Variants in ZFP69 observed in about 807,000 individuals in gnomAD.
ZFP69 encodes the protein zinc finger protein 69 homolog.
A neutral mutation model predicts 48.9 loss-of-function variants in ZFP69; 35 were observed. The observed-to-expected ratio is 0.72, with a 90% confidence interval of 0.55 to 0.95. The LOEUF (loss-of-function observed/expected upper bound fraction) is 0.95, where lower values mean the gene tolerates loss of function less well. Ranked by LOEUF, ZFP69 falls within the 40% of genes least tolerant of loss-of-function variation. The pLI, the probability that ZFP69 is intolerant of heterozygous loss-of-function variation, is 0.00. For synonymous variants in ZFP69, 193 were observed against 216.8 expected (o/e 0.89, Z 0.96); for missense variants, 557 against 638.4 (o/e 0.87, Z 1.37).
intron 5 of ZFP69, among the ~76,000 whole-genome samples, chr1:40,491,931 G>A (rs1361249625): frequency 6.6e-6 from 1 of 152,014 alleles, no homozygotes; most frequent in Non-Finnish European, 1.5e-5. Context: ...TGTTAGACGT[G>A]AGTTTCTAAA....
intron 2 of ZFP69, 95 bp downstream of exon 2, chr1:40,479,583 G>C: frequency 4.4e-4 from 550 of 1,252,440 alleles, no homozygotes; most frequent in Non-Finnish European, 5.2e-4. Flanking sequence ...AGGAGGGAGA[G>C]AAGGTCTCTG....
In ZFP69 at chr1:40,481,723, T is replaced by C. The variant is rs745366918; in HGVS notation, c.128-40T>C. The C allele has an allele frequency of 1.2e-5, 18 of 1,515,804 alleles. No homozygotes were observed. In the African/African-American group the frequency reaches 1.3e-4, roughly 11 times the overall value. The allele number at this position is 1,515,804 out of a possible 1,614,324, so 93.9% of individuals were successfully genotyped here. A position where few individuals can be genotyped will look rare whatever the true frequency, so the allele number is the denominator to read the frequency against. On this transcript the variant is annotated intron_variant, in intron 2 of 5. Coordinates refer to ENST00000372706, the MANE Select transcript of ZFP69 (RefSeq NM_001320179.2). The stretch of plus-strand genomic sequence containing the variant: ...CAGGCAATTTCTTTATTTGGGAGAT[T>C]TGGGGAGATGCAAAGCTCATGGCTC...
In ZFP69 at chr1:40,479,144, A is replaced by G. The variant is rs1327416119; in HGVS notation, c.-218A>G. On this transcript the variant is annotated 5_prime_UTR_variant, in exon 2 of 6. Transcript: ENST00000372706. The stretch of plus-strand genomic sequence containing the variant: ...AAACCTAACTAACTGGCTGCCTCCC[A>G]AAGAAAGTGCTTGATTTAAAGGGGA... The G allele has an allele frequency of 1.2e-5, 6 of 502,992 alleles. No individual in the cohort carries two copies. The highest frequency in any genetic ancestry group is 2.1e-5 in the Non-Finnish European group (6 of 281,064). The allele number at this position is 502,992 out of a possible 1,614,324, so 31.2% of individuals were successfully genotyped here.
At chr1:40,480,422 C>T (rs191401063) in intron 2 of ZFP69, among the ~76,000 whole-genome samples, 157 of 149,982 alleles carry the variant, frequency 1.0e-3, no homozygotes, top group African/African-American at 3.7e-3. Context: ...CCTGCCACCA[C>T]GCCTGGCTAA....
At chr1:40,494,406 C>T (rs1376036986) in intron 5 of ZFP69, among the ~76,000 whole-genome samples, 1 of 143,654 alleles carries the variant, frequency 7.0e-6, no homozygotes, top group East Asian at 2.0e-4. Flanking sequence ...GTAGCTGGGA[C>T]TACAGGCGCC....
chr1:40,489,471 G>T, intron 4 of ZFP69, 58 bp from the exon 5 acceptor site: 2 of 1,487,876 alleles, frequency 1.3e-6, no homozygotes, highest in African/African-American at 2.8e-5. Context: ...AAAATTCTGA[G>T]GATGGTTCTT....
chr1:40,496,202 C>T lies in ZFP69; in HGVS notation c.*143C>T. On this transcript the variant is annotated 3_prime_UTR_variant, in exon 6 of 6. Coordinates refer to ENST00000372706, the MANE Select transcript of ZFP69 (RefSeq NM_001320179.2). ...CCATTGTAAATAAACATTACATTGA[C>T]AGGTATTGACTACTAACACCTCTAA... 3.8e-6 allele frequency: 3 copies of T among 789,092 alleles called. No homozygotes were observed. The highest frequency in any genetic ancestry group is 2.7e-5 in the East Asian group (1 of 37,726). The allele number at this position is 789,092 out of a possible 1,614,324, so 48.9% of individuals were successfully genotyped here.
Position 40,495,240 on chromosome 1 carries a change from C to G in ZFP69, c.762C>G (p.Tyr254Ter), listed in dbSNP as rs1645618094. ...ATACACCTACAAAGCGGAACACATA[C>G]AAATTAGATTTGATTAATCATCCAA... Reference protein sequence around the residue: ...KYDTPTKRNTYKLDLINHPTS... With the variant: ...KYDTPTKRNT Residue 254 changes from tyrosine (Y) to a stop codon, truncating the protein, a stop_gained, in exon 6 of 6, where the codon TAC becomes TAG. Transcript: ENST00000372706. LOFTEE classifies it high-confidence loss of function. The G allele has an allele frequency of 5.6e-6, 9 of 1,613,848 alleles. No homozygotes were observed. The highest frequency in any genetic ancestry group is 2.7e-5 in the African/African-American group (2 of 74,890).
chr1:40,490,402 G>A (rs1457650349), intron 5 of ZFP69, among the ~76,000 whole-genome samples: 2 of 152,106 alleles, frequency 1.3e-5, no homozygotes, highest in African/African-American at 4.8e-5. Flanking sequence ...TCAAAGCCTC[G>A]GCTGTGGGGA....
rs774927298 is a variant in ZFP69, at chr1:40,481,906, G to GT, written c.219+53dup. On this transcript the variant is annotated intron_variant, in intron 3 of 5. Transcript: ENST00000372706. ...TGACATTGCTTCTCCTGTTTTTAGG[G>GT]TATATAACCTGTCTTTTTTGCAGAG... 177 of 1,410,332 alleles carry GT rather than the reference G, an allele frequency of 1.3e-4. 4 individuals carry two copies. In the South Asian group the frequency reaches 2.1e-3, roughly 17 times the overall value. The allele number at this position is 1,410,332 out of a possible 1,614,324, so 87.4% of individuals were successfully genotyped here. A position where few individuals can be genotyped will look rare whatever the true frequency, so the allele number is the denominator to read the frequency against.
intron 3 of ZFP69, among the ~76,000 whole-genome samples, chr1:40,484,358 C>T (rs968988300): frequency 6.6e-6 from 1 of 151,844 alleles, no homozygotes; most frequent in African/African-American, 2.4e-5. Context: ...TGCCACCACA[C>T]CTGGCTAATT....
chr1:40,484,722 C>T (rs1645477307), intron 3 of ZFP69, among the ~76,000 whole-genome samples: 1 of 149,716 alleles, frequency 6.7e-6, no homozygotes, highest in Non-Finnish European at 1.5e-5. Flanking sequence ...GGACTACAGG[C>T]GCGTGCCACC....
Position 40,477,547 on chromosome 1 carries a change from C to G in ZFP69, c.-674C>G, listed in dbSNP as rs942558408. On this transcript the variant is annotated 5_prime_UTR_variant, in exon 1 of 6. Coordinates refer to ENST00000372706, the MANE Select transcript of ZFP69 (RefSeq NM_001320179.2). This position sits in a 1 kb window ranked among gnomAD's most constrained non-coding sequence, Gnocchi z 4.0. ...CCCCGGGGTCTGCAAGACGCCGGCT[C>G]AGGGCATCCCTCCCATTCCGGCCCT... is the stretch of plus-strand genomic sequence containing the variant. 1.4e-4 allele frequency: 22 copies of G among 152,326 alleles called. No homozygotes were observed. The highest frequency in any genetic ancestry group is 5.1e-4 in the African/African-American group (21 of 41,582). The allele number at this position is 152,326 out of a possible 1,614,324, so 9.4% of individuals were successfully genotyped here. A position where few individuals can be genotyped will look rare whatever the true frequency, so the allele number is the denominator to read the frequency against.
chr1:40,495,974 A>G lies in ZFP69; in HGVS notation c.1496A>G (p.Glu499Gly). 1 of 1,614,220 alleles carries G rather than the reference A, an allele frequency of 6.2e-7. No individual in the cohort carries two copies. Among genetic ancestry groups the G allele is most frequent in the Non-Finnish European group, 8.5e-7 (1 of 1,180,044 alleles). Reference protein sequence around the residue: ...HTGEKPYECNECGKAFSYNSS... With the variant: ...HTGEKPYECNGCGKAFSYNSS... ...GGAGAAAAACCTTACGAATGTAACG[A>G]ATGTGGAAAAGCCTTCAGCTATAAC... Residue 499 changes from glutamate (E) to glycine (G), a missense_variant, in exon 6 of 6, where the codon GAA (glutamate) becomes GGA (glycine). Transcript: ENST00000372706.
At chr1:40,482,236 T>A (rs1645450091) in intron 3 of ZFP69, among the ~76,000 whole-genome samples, 1 of 152,070 alleles carries the variant, frequency 6.6e-6, no homozygotes, top group Non-Finnish European at 1.5e-5. Flanking sequence ...TCTTTCTTAG[T>A]GATGTACATG....
At chr1:40,482,674 C>T (rs539977434) in intron 3 of ZFP69, among the ~76,000 whole-genome samples, 4 of 151,822 alleles carry the variant, frequency 2.6e-5, no homozygotes, top group East Asian at 3.9e-4. Flanking sequence ...AAAGCTATAC[C>T]GTACAAACAA....
chr1:40,478,683 A>G (rs1365427931), intron 1 of ZFP69, among the ~76,000 whole-genome samples: 1 of 152,230 alleles, frequency 6.6e-6, no homozygotes, highest in Non-Finnish European at 1.5e-5. Context: ...TGTCTCAACC[A>G]ACATTACAAC....
intron 3 of ZFP69, among the ~76,000 whole-genome samples, chr1:40,488,031 ACT>A (rs928934332): frequency 4.7e-5 from 6 of 127,492 alleles, no homozygotes; most frequent in African/African-American, 1.9e-4. Flanking sequence ...ACAGGGTGAG[ACT>A]CTGTCTCAAA....
In ZFP69 at chr1:40,489,535, A is replaced by G. The variant is rs774140468; in HGVS notation, c.353A>G (p.Gln118Arg). The G allele has an allele frequency of 5.0e-6, 8 of 1,610,836 alleles. No homozygotes were observed. Among genetic ancestry groups the G allele is most frequent in the Non-Finnish European group, 6.8e-6 (8 of 1,179,162 alleles). The change falls in exon 5 of 6, where the codon CAA becomes CGA. Residue 118 changes from glutamine to arginine, a missense_variant. Coordinates refer to ENST00000372706, the MANE Select transcript of ZFP69 (RefSeq NM_001320179.2). ...TTTTTTACTACATAAGCAGGATATC[A>G]ACTTTCCAAACCTAGTGTGATATCC... ...NYSNLVSVGY[Q>R]LSKPSVISQL...
Sources: allele counts gnomAD v4.1 joint callset (sites outside exome capture counted in the v4.1 genomes callset), GRCh38; gene constraint gnomAD v4.1.1; non-coding constraint Gnocchi (gnomAD v3.1); transcripts MANE v1.5; gene names NCBI Gene and HGNC (gene_info 2026-07-23, HGNC 2026-07-21).